Variants in CHD5 observed in about 807,000 individuals in gnomAD.
CHD5 encodes ATP-dependent chromatin remodeler CHD5.
A neutral mutation model predicts 230.3 loss-of-function variants in CHD5; 69 were observed. The observed-to-expected ratio is 0.30, with a 90% confidence interval of 0.25 to 0.37. The LOEUF (loss-of-function observed/expected upper bound fraction) is 0.37, where lower values mean the gene tolerates loss of function less well. CHD5 is among the 10% of genes least tolerant of loss of function. The probability of loss-of-function intolerance (pLI) is 1.00; values close to 1 mark genes in which losing one functional copy is unlikely to be tolerated. For synonymous variants in CHD5, 1,064 were observed against 1,065.9 expected, an observed-to-expected ratio of 1.00 and a Z score of 0.03; for missense variants, 1,827 against 2,622.8, an observed-to-expected ratio of 0.70 and a Z score of 6.63.
chr1:6,169,978 C>T (rs944674656), intron 1 of CHD5, among the ~76,000 whole-genome samples: 3 of 152,092 alleles, frequency 2.0e-5, no homozygotes, highest in African/African-American at 2.4e-5. Context: ...AGTGGGACCC[C>T]GCGGAGGACG....
At chr1:6,127,897 G>A in intron 25 of CHD5, 149 bp downstream of exon 25, 1 of 681,704 alleles carries the variant, frequency 1.5e-6, no homozygotes, top group East Asian at 2.7e-5. Flanking sequence ...AGCAGGGAGG[G>A]CGGGGCTGCG....
intron 33 of CHD5, among the ~76,000 whole-genome samples, chr1:6,115,404 C>T (rs1380092570): frequency 2.0e-5 from 3 of 152,212 alleles, no homozygotes; most frequent in African/African-American, 7.2e-5. Flanking sequence ...CTCGACTCCC[C>T]AGAGCAGGTT....
chr1:6,151,242 G>A (rs765129341), intron 6 of CHD5, 87 bp from the exon 7 acceptor site: 32 of 1,428,618 alleles, frequency 2.2e-5, no homozygotes, highest in African/African-American at 1.3e-4. Flanking sequence ...GACAAAGCAC[G>A]GAAGAGGCTC....
At chr1:6,151,316 AG>A (rs980762087) in intron 6 of CHD5, among the ~76,000 whole-genome samples, 161 bp from the exon 7 acceptor site, 4 of 152,158 alleles carry the variant, frequency 2.6e-5, no homozygotes, top group Admixed American at 6.5e-5. Context: ...CTCACATTAC[AG>A]CCTGCCTGTC....
At position 6,155,070 on chromosome 1, in the gene CHD5, CG is replaced by C. The variant is rs1391425244; in HGVS notation, c.507-173del. Among the ~76,000 whole-genome samples, 2 of 149,360 alleles carry C rather than the reference CG, an allele frequency of 1.3e-5. No homozygotes were observed. The highest frequency in any genetic ancestry group is 2.5e-5 in the African/African-American group (1 of 39,768). On this transcript the variant is annotated intron_variant, in intron 4 of 41. Transcript: ENST00000262450. This position sits in a 1 kb window ranked among gnomAD's most constrained non-coding sequence, Gnocchi z 4.0. ...CACTGACCACAGCCCACCCCCAAAA[CG>C]CCCCAGCTTCCTGTCCACACCCACA...
chr1:6,144,380 C>T (rs532060360), intron 11 of CHD5, among the ~76,000 whole-genome samples: 1 of 152,128 alleles, frequency 6.6e-6, no homozygotes, highest in Non-Finnish European at 1.5e-5. Context: ...GAGAGGGACA[C>T]GGAGGCCAGC....
chr1:6,143,315 G>A (rs1666858550), intron 13 of CHD5, among the ~76,000 whole-genome samples: 1 of 152,162 alleles, frequency 6.6e-6, no homozygotes, highest in Non-Finnish European at 1.5e-5. Context: ...TTACAGGCAT[G>A]AGCCACCATG....
At position 6,106,271 on chromosome 1, in the gene CHD5, C is replaced by A. The variant is rs377199792; in HGVS notation, c.*9G>T. ...TGAGCGCTGCAACACAGGGAAGTCT[C>A]GAGGACGGCTAGATATCTGTCAAAA... On this transcript the variant is annotated 3_prime_UTR_variant, in exon 41 of 42. Transcript: ENST00000262450. 6.2e-7 allele frequency: 1 copy of A among 1,612,796 alleles called. No homozygotes were observed. Among genetic ancestry groups the A allele is most frequent in the South Asian group, 1.1e-5 (1 of 91,076 alleles).
At chr1:6,144,188 G>T in intron 11 of CHD5, 33 bp from the exon 12 acceptor site, 2 of 1,613,298 alleles carry the variant, frequency 1.2e-6, no homozygotes, top group South Asian at 2.2e-5. Flanking sequence ...GGGTCGCTCA[G>T]AGCAGTGGCC....
At chr1:6,147,049 G>GCA (rs1186033088) in intron 9 of CHD5, among the ~76,000 whole-genome samples, 178 bp from the exon 10 acceptor site, 1 of 152,218 alleles carries the variant, frequency 6.6e-6, no homozygotes, top group East Asian at 1.9e-4. Context: ...CATGGGTCAT[G>GCA]CACACAGGAG....
At chr1:6,144,278 C>A in intron 11 of CHD5, 123 bp from the exon 12 acceptor site, 1 of 1,370,204 alleles carries the variant, frequency 7.3e-7, no homozygotes. Flanking sequence ...CTGGGCCCAG[C>A]CAGGAGGAGG....
chr1:6,176,371 T>G (rs1437277733), intron 1 of CHD5, among the ~76,000 whole-genome samples: 1 of 152,182 alleles, frequency 6.6e-6, no homozygotes, highest in Non-Finnish European at 1.5e-5. Context: ...GTCCAGACAT[T>G]GCCCATTCTG....
intron 15 of CHD5, among the ~76,000 whole-genome samples, chr1:6,139,176 G>C (rs1479524622): frequency 6.6e-6 from 1 of 152,182 alleles, no homozygotes. Context: ...CTGCAGACTG[G>C]TTGCATACCA....
At chr1:6,175,551 G>A (rs925255322) in intron 1 of CHD5, among the ~76,000 whole-genome samples, 1 of 150,598 alleles carries the variant, frequency 6.6e-6, no homozygotes, top group African/African-American at 2.5e-5. Flanking sequence ...TGGATGGATG[G>A]TGGATGGGTG....
Position 6,146,369 on chromosome 1 carries a change from C to A in CHD5, c.1645G>T (p.Asp549Tyr). 1 of 1,614,194 alleles carries A rather than the reference C, an allele frequency of 6.2e-7. No individual in the cohort carries two copies. Among genetic ancestry groups the A allele is most frequent in the Middle Eastern group, 1.7e-4 (1 of 6,058 alleles). Residue 549 changes from aspartate to tyrosine, a missense_variant, in exon 11 of 42, where the codon GAT (aspartate) becomes TAT (tyrosine). Coordinates refer to ENST00000262450, the MANE Select transcript of CHD5 (RefSeq NM_015557.3). This position sits in a 1 kb window ranked among gnomAD's most constrained non-coding sequence, Gnocchi z 5.1. Reference sequence around the variant, plus strand: ...CCGTAGTCAAAGGGGGGCGGCTCATCCATGTCGTTCTTTCTTTGGTAGTTG... The same window carrying A: ...CCGTAGTCAAAGGGGGGCGGCTCATACATGTCGTTCTTTCTTTGGTAGTTG... ...YRNYQRKNDM[D>Y]EPPPFDYGSG...
rs139558243 is a variant in CHD5 at position 6,133,460 on chromosome 1, G to A, written c.3144+668C>T. ...ACAAGGAGCCATAGCCCAGACTCTG[G>A]GTTTGAGCAAGGGGCCTGGCTCAGT... On this transcript the variant is annotated intron_variant, in intron 20 of 41. Transcript: ENST00000262450. Among the ~76,000 whole-genome samples, 191 of 152,350 alleles carry A rather than the reference G, an allele frequency of 1.3e-3. 1 individual carries two copies. The highest frequency in any genetic ancestry group is 8.7e-4 in the Non-Finnish European group (59 of 68,034).
intron 6 of CHD5, 80 bp from the exon 7 acceptor site, chr1:6,151,235 A>G: frequency 6.8e-7 from 1 of 1,467,106 alleles, no homozygotes; most frequent in Non-Finnish European, 9.1e-7. Flanking sequence ...GGGGTGGGAC[A>G]AAGCACGGAA....
At chr1:6,114,485 AGC>A (rs1666343605) in intron 33 of CHD5, among the ~76,000 whole-genome samples, 1 of 149,858 alleles carries the variant, frequency 6.7e-6, no homozygotes, top group South Asian at 2.1e-4. Context: ...ACAGCTGATG[AGC>A]TTATATATAT....
Position 6,121,379 on chromosome 1 carries a change from G to A in CHD5, c.4779+115C>T, listed in dbSNP as rs1025730345. The A allele has an allele frequency of 1.3e-5, 19 of 1,497,518 alleles. No individual in the cohort carries two copies. Among genetic ancestry groups the A allele is most frequent in the East Asian group, 2.3e-5 (1 of 43,138 alleles). The allele number at this position is 1,497,518 out of a possible 1,614,324, so 92.8% of individuals were successfully genotyped here. A position where few individuals can be genotyped will look rare whatever the true frequency, so the allele number is the denominator to read the frequency against. On this transcript the variant is annotated intron_variant, in intron 32 of 41. Transcript: ENST00000262450. The surrounding 1 kb of genome is among the most constrained non-coding windows in gnomAD (Gnocchi z 4.5). ...CTGCTCCCCGCCGATTCAGAGCCCC[G>A]AAAAGGGAGCCAGGAGGCCTGGGTT... is the stretch of plus-strand genomic sequence containing the variant.
Sources: gnomAD v4.1 joint callset for allele counts (sites outside exome capture counted in the v4.1 genomes callset) on GRCh38, gnomAD v4.1.1 for gene constraint, Gnocchi (gnomAD v3.1) non-coding constraint, MANE v1.5 for transcripts, NCBI Gene and HGNC (gene_info 2026-07-23, HGNC 2026-07-21) for gene names.